SLC22A11: variants seen among roughly 807,000 people sequenced by gnomAD.
The protein encoded by SLC22A11 is organic anion transporter 4.
In SLC22A11, 42 loss-of-function variants were observed where a neutral mutation model predicts 49.4. The observed-to-expected ratio is 0.85, with a 90% CI of 0.66 to 1.10. The LOEUF (loss-of-function observed/expected upper bound fraction) is 1.10, where lower values mean the gene tolerates loss of function less well. Among genes scored for constraint, SLC22A11 ranks in the 50% least tolerant of loss-of-function variants. SLC22A11 has a pLI of 0.00. For missense variants in SLC22A11, 685 were observed against 731.6 expected (o/e 0.94, Z 0.74); for synonymous variants, 304 against 315.8 (o/e 0.96, Z 0.40).
intron 1 of SLC22A11, among the ~76,000 whole-genome samples, chr11:64,557,944 T>TACAC (rs2038486967): frequency 6.6e-6 from 1 of 151,934 alleles, no homozygotes; most frequent in Non-Finnish European, 1.5e-5. Flanking sequence ...ATTACAGGCA[T>TACAC]GCACAACCAC....
chr11:64,560,488 C>T (rs549373478), intron 2 of SLC22A11, among the ~76,000 whole-genome samples: 17 of 152,330 alleles, frequency 1.1e-4, no homozygotes, highest in South Asian at 4.1e-4. Flanking sequence ...GCCCCCTGCA[C>T]GCCTGCAGAG....
chr11:64,569,712 G>T lies in SLC22A11; in HGVS notation c.1443G>T (p.Leu481=), dbSNP rs772055433. 9.9e-6 allele frequency: 16 copies of T among 1,614,042 alleles called. No homozygotes were observed. Among genetic ancestry groups the T allele is most frequent in the Non-Finnish European group, 1.4e-5 (16 of 1,180,032 alleles). ...GGCTGGGGGCTATGATGGGTCCCCTGATCCTGATGAGCCGCCAAGCCCTGC... is the reference window on the plus strand; with the variant it reads ...GGCTGGGGGCTATGATGGGTCCCCTTATCCTGATGAGCCGCCAAGCCCTGC... ...VGRLGAMMGP[L]ILMSRQALPL... is the part of the protein sequence containing the mutation. The change falls in exon 9 of 10, where the codon CTG becomes CTT. Residue 481 remains leucine, a synonymous_variant. Transcript: ENST00000301891.
intron 2 of SLC22A11, among the ~76,000 whole-genome samples, chr11:64,561,154 C>G (rs957932541): frequency 6.6e-6 from 1 of 152,334 alleles, no homozygotes; most frequent in African/African-American, 2.4e-5. Context: ...TGGAGGCCAC[C>G]GCAGCCCAGG....
Position 64,559,205 on chromosome 11 carries a change from T to A in SLC22A11, c.464T>A (p.Val155Glu). The stretch of plus-strand genomic sequence containing the variant: ...TCCATCTTCATGTCCGGGATCCTGG[T>A]GGGCTCCTTTATCTGGGGCCTCCTC... ...SQSIFMSGIL[V>E]GSFIWGLLSY... The change falls in exon 2 of 10, where the codon GTG (valine) becomes GAG (glutamate). Residue 155 changes from valine (V) to glutamate (E), a missense_variant. By Grantham distance (121) the Val-to-Glu change is moderately radical. Coordinates refer to ENST00000301891, the MANE Select transcript of SLC22A11 (RefSeq NM_018484.4). The A allele has an allele frequency of 6.2e-7, 1 of 1,611,260 alleles. No homozygotes were observed. Among genetic ancestry groups the A allele is most frequent in the Non-Finnish European group, 8.5e-7 (1 of 1,178,208 alleles).
Position 64,565,229 on chromosome 11 carries a change from T to C in SLC22A11, c.950T>C (p.Met317Thr), listed in dbSNP as rs1247827791. Reference protein sequence around the residue: ...EAKNLTIEVLMSSVKEEVASA... With the variant: ...EAKNLTIEVLTSSVKEEVASA... The stretch of plus-strand genomic sequence containing the variant: ...CCCCATTCTCCCCGGAAGGTGCTGA[T>C]GTCCAGCGTGAAGGAGGAGGTGGCC... The change falls in exon 6 of 10, where the codon ATG becomes ACG. Residue 317 changes from methionine to threonine, a missense_variant. By Grantham distance (81) the Met-to-Thr change is moderately conservative. Coordinates refer to ENST00000301891, the MANE Select transcript of SLC22A11 (RefSeq NM_018484.4). This position sits in a 1 kb window ranked among gnomAD's most constrained non-coding sequence, Gnocchi z 4.1. 2.6e-6 allele frequency: 4 copies of C among 1,539,592 alleles called. No homozygotes were observed. The South Asian group carries it at 4.8e-5, about 19-fold the overall frequency.
At chr11:64,570,626 G>A (rs1327347418) in intron 9 of SLC22A11, among the ~76,000 whole-genome samples, 3 of 152,164 alleles carry the variant, frequency 2.0e-5, no homozygotes, top group Non-Finnish European at 4.4e-5. Flanking sequence ...TAATAATACT[G>A]AGTTCTTATT....
Position 64,562,026 on chromosome 11 carries a change from A to C in SLC22A11, c.520A>C (p.Ser174Arg), listed in dbSNP as rs756608754. ...CAGGTTTGGGAGGAAGCCGATGCTG[A>C]GCTGGTGCTGCCTGCAGTTGGCCGT... is the stretch of plus-strand genomic sequence containing the variant. ...SYRFGRKPML[S>R]WCCLQLAVAG... is the part of the protein sequence containing the mutation. Residue 174 changes from serine to arginine, a missense_variant, in exon 3 of 10, where the codon AGC becomes CGC. Coordinates refer to ENST00000301891, the MANE Select transcript of SLC22A11 (RefSeq NM_018484.4). This position sits in a 1 kb window ranked among gnomAD's most constrained non-coding sequence, Gnocchi z 4.4. The C allele has an allele frequency of 3.2e-5, 51 of 1,613,518 alleles. 1 individual carries two copies. The South Asian group carries it at 5.4e-4, about 17-fold the overall frequency.
intron 1 of SLC22A11, among the ~76,000 whole-genome samples, 175 bp downstream of exon 1, chr11:64,556,567 G>A (rs1223693557): frequency 6.6e-6 from 1 of 152,208 alleles, no homozygotes; most frequent in Non-Finnish European, 1.5e-5. Flanking sequence ...CTACAGATGG[G>A]GCCAGCCCAG....
At chr11:64,568,866 G>A in intron 8 of SLC22A11, 88 bp downstream of exon 8, 2 of 1,248,828 alleles carry the variant, frequency 1.6e-6, no homozygotes, top group African/African-American at 1.5e-5. Context: ...GGCAGCCAGG[G>A]AAATGCAGCC....
At chr11:64,560,489 G>A (rs909309586) in intron 2 of SLC22A11, among the ~76,000 whole-genome samples, 1 of 152,106 alleles carries the variant, frequency 6.6e-6, no homozygotes, top group African/African-American at 2.4e-5. Context: ...CCCCCTGCAC[G>A]CCTGCAGAGC....
At chr11:64,559,901 G>A (rs1367190558) in intron 2 of SLC22A11, among the ~76,000 whole-genome samples, 4 of 152,164 alleles carry the variant, frequency 2.6e-5, no homozygotes, top group South Asian at 2.1e-4. Context: ...GCCTGCTGGC[G>A]GGGAGAAGCG....
rs142096356 is a variant in SLC22A11, at chr11:64,570,993, C to T, written c.1604C>T (p.Ala535Val). Residue 535 changes from alanine (A) to valine (V), a missense_variant, in exon 10 of 10, where the codon GCC becomes GTC. Ala to Val is a moderately conservative substitution (Grantham distance 64). Coordinates refer to ENST00000301891, the MANE Select transcript of SLC22A11 (RefSeq NM_018484.4). ...GATTATTCTAGGAAATCAACAGCAG[C>T]CCAGGGCAACCGGCAAGAGGCCGTC... is the stretch of plus-strand genomic sequence containing the variant. ...QDLESQKSTA[A>V]QGNRQEAVTV... is the part of the protein sequence containing the mutation. 7 of 1,614,112 alleles carry T rather than the reference C, an allele frequency of 4.3e-6. No homozygotes were observed. Among genetic ancestry groups the T allele is most frequent in the African/African-American group, 1.3e-5 (1 of 74,938 alleles).
In SLC22A11 at chr11:64,572,034, A is replaced by T. The variant is rs2135428984; in HGVS notation, c.*992A>T. ...CTCGATGAGGGTTGTTGGGCCGGGG[A>T]GCCTCATCCACAGGGCGGAGTGAAA... On this transcript the variant is annotated 3_prime_UTR_variant, in exon 10 of 10. Coordinates refer to ENST00000301891, the MANE Select transcript of SLC22A11 (RefSeq NM_018484.4). 1 of 152,352 alleles carries T rather than the reference A, an allele frequency of 6.6e-6. No homozygotes were observed. Among genetic ancestry groups the T allele is most frequent in the African/African-American group, 2.4e-5 (1 of 41,572 alleles). The allele number at this position is 152,352 out of a possible 1,614,324, so 9.4% of individuals were successfully genotyped here.
At chr11:64,559,543 G>A (rs904602480) in intron 2 of SLC22A11, among the ~76,000 whole-genome samples, 18 of 152,084 alleles carry the variant, frequency 1.2e-4, no homozygotes, top group African/African-American at 4.1e-4. Context: ...TCCTCCATGC[G>A]GCCGTGCTTG....
At chr11:64,563,994 A>C (rs1452897674) in intron 4 of SLC22A11, among the ~76,000 whole-genome samples, 6 of 151,984 alleles carry the variant, frequency 3.9e-5, no homozygotes, top group South Asian at 2.1e-4. Context: ...TGAAGCAGCC[A>C]ACTCTAGGGA....
In SLC22A11 at chr11:64,562,314, G is replaced by A. The variant is rs1307671026; in HGVS notation, c.700G>A (p.Val234Met). 1.9e-6 allele frequency: 3 copies of A among 1,611,154 alleles called. No homozygotes were observed. The highest frequency in any genetic ancestry group is 2.7e-5 in the African/African-American group (2 of 74,870). ...CAGGAGGGCGGTCACCATGACGGTG[G>A]TGGGATGTGCCTTCAGCGCAGGCCA... Reference protein sequence around the residue: ...TSRRAVTMTVVGCAFSAGQAA... With the variant: ...TSRRAVTMTVMGCAFSAGQAA... The change falls in exon 4 of 10, where the codon GTG becomes ATG. Residue 234 changes from valine (V) to methionine (M), a missense_variant. Physicochemically the swap from Val to Met is conservative, Grantham distance 21. Transcript: ENST00000301891. This position sits in a 1 kb window ranked among gnomAD's most constrained non-coding sequence, Gnocchi z 4.4.
intron 1 of SLC22A11, among the ~76,000 whole-genome samples, chr11:64,557,057 T>C (rs2038472485): frequency 6.6e-6 from 1 of 152,098 alleles, no homozygotes; most frequent in African/African-American, 2.4e-5. Flanking sequence ...TCAAGAAGCA[T>C]CCATTCCACC....
rs568314450 is a variant in SLC22A11 at position 64,562,105 on chromosome 11, G to A, written c.599G>A (p.Arg200Gln). Residue 200 changes from arginine to glutamine, a missense_variant, in exon 3 of 10, where the codon CGG (arginine) becomes CAG (glutamine). Transcript: ENST00000301891. The surrounding 1 kb of genome is among the most constrained non-coding windows in gnomAD (Gnocchi z 4.4). The stretch of plus-strand genomic sequence containing the variant: ...ACATTCGTCATCTACTGCGGCCTGC[G>A]GTTCGTGGCCGCTTTTGGGATGGCC... ...APTFVIYCGL[R>Q]FVAAFGMAGI... 6.0e-5 allele frequency: 97 copies of A among 1,613,918 alleles called. No individual in the cohort carries two copies. Among genetic ancestry groups the A allele is most frequent in the South Asian group, 4.2e-4 (38 of 91,082 alleles).
rs766057791 is a variant in SLC22A11 at position 64,562,053 on chromosome 11, G to T, written c.547G>T (p.Ala183Ser). 4 of 1,613,768 alleles carry T rather than the reference G, an allele frequency of 2.5e-6. No individual in the cohort carries two copies. Among genetic ancestry groups the T allele is most frequent in the Non-Finnish European group, 3.4e-6 (4 of 1,180,022 alleles). Residue 183 changes from alanine to serine, a missense_variant, in exon 3 of 10, where the codon GCG becomes TCG. Transcript: ENST00000301891. This position sits in a 1 kb window ranked among gnomAD's most constrained non-coding sequence, Gnocchi z 4.4. ...CTGGTGCTGCCTGCAGTTGGCCGTGGCGGGCACCAGCACCATCTTCGCCCC... is the reference window on the plus strand; with the variant it reads ...CTGGTGCTGCCTGCAGTTGGCCGTGTCGGGCACCAGCACCATCTTCGCCCC... ...LSWCCLQLAV[A>S]GTSTIFAPTF... is the part of the protein sequence containing the mutation.
Sources: allele counts gnomAD v4.1 joint callset (sites outside exome capture counted in the v4.1 genomes callset), GRCh38; gene constraint gnomAD v4.1.1; non-coding constraint Gnocchi (gnomAD v3.1); transcripts MANE v1.5; gene names NCBI Gene and HGNC (gene_info 2026-07-23, HGNC 2026-07-21).